The following XKR9 variants were observed in gnomAD, a reference collection of about 807,000 sequenced individuals.
XKR9 encodes the protein XK-related protein 9.
A neutral mutation model predicts 32.0 loss-of-function variants in XKR9; 32 were observed. The observed-to-expected ratio is 1.00, with a 90% CI of 0.76 to 1.34. The LOEUF (loss-of-function observed/expected upper bound fraction) is 1.34. Among genes scored for constraint, XKR9 ranks in the 40% most tolerant of loss-of-function variants. The pLI is 0.00. For missense variants in XKR9, 546 were observed against 429.7 expected (o/e 1.27, Z -2.39); for synonymous variants, 168 against 143.4 (o/e 1.17, Z -1.22).
chr8:70,840,699 C>G, the XKR9 span, among the ~76,000 whole-genome samples: 1 of 152,094 alleles, frequency 6.6e-6, no homozygotes. Flanking sequence ...TGTGCATCCT[C>G]GAGGCAACTG....
rs115585723 is a variant in XKR9 at position 70,745,459 on chromosome 8, C to T, written n.352+38306C>T. Reference sequence around the variant, plus strand: ...CATCTTCAAATATGAATACTCTCCTCATAGACTAGTGGTTCTCAACCTTTA... The same window carrying T: ...CATCTTCAAATATGAATACTCTCCTTATAGACTAGTGGTTCTCAACCTTTA... On this transcript the variant is annotated intron_variant and non_coding_transcript_variant, in intron 2 of 3. Coordinates refer to the XKR9 transcript ENST00000520273. Among the ~76,000 whole-genome samples, 1,105 of 152,308 alleles carry T rather than the reference C, an allele frequency of 7.3e-3. 13 individuals carry two copies. Among genetic ancestry groups the T allele is most frequent in the African/African-American group, 0.025 (1,039 of 41,564 alleles).
the XKR9 span, among the ~76,000 whole-genome samples, chr8:70,897,882 C>T: frequency 1.3e-5 from 2 of 152,038 alleles, no homozygotes; most frequent in Admixed American, 1.3e-4. Flanking sequence ...TGATGTGATA[C>T]CATTTTGCTT....
intron 3 of XKR9, among the ~76,000 whole-genome samples, chr8:70,684,811 G>C (rs2132118447): frequency 6.8e-6 from 1 of 147,502 alleles, no homozygotes. Context: ...TCTCACACCA[G>C]TTAGAATGGC....
chr8:70,971,609 CTT>C, the XKR9 span, among the ~76,000 whole-genome samples: 1 of 152,046 alleles, frequency 6.6e-6, no homozygotes, highest in South Asian at 2.1e-4. Flanking sequence ...AGATTTAAGT[CTT>C]TGATCCATTT....
chr8:70,715,755 G>A (rs552385021), intron 4 of XKR9, among the ~76,000 whole-genome samples: 1 of 152,092 alleles, frequency 6.6e-6, no homozygotes, highest in Non-Finnish European at 1.5e-5. Context: ...AAACTGAATG[G>A]CATGAAATTT....
chr8:70,886,462 C>G, the XKR9 span, among the ~76,000 whole-genome samples: 30 of 152,284 alleles, frequency 2.0e-4, no homozygotes, highest in Middle Eastern at 3.4e-3. Context: ...GAGGAATCAC[C>G]ACATGGTTTT....
At chr8:70,729,210 A>C (rs1270623469) in intron 4 of XKR9, among the ~76,000 whole-genome samples, 3 of 152,338 alleles carry the variant, frequency 2.0e-5, no homozygotes, top group Non-Finnish European at 1.5e-5. Flanking sequence ...AAATAACTAT[A>C]CTGCCGTAAG....
chr8:70,804,605 GC>G, the XKR9 span, among the ~76,000 whole-genome samples: 2 of 152,168 alleles, frequency 1.3e-5, no homozygotes, highest in African/African-American at 4.8e-5. Flanking sequence ...TGGTAAGTGT[GC>G]TTTTCATGGA....
intron 2 of XKR9, among the ~76,000 whole-genome samples, chr8:70,761,549 A>T (rs13278311): frequency 0.68 from 102,761 of 151,932 alleles, 35,246 homozygotes; most frequent in Admixed American, 0.74. Context: ...TGAGGCTGTT[A>T]GTTTTTTCTT....
the XKR9 span, among the ~76,000 whole-genome samples, chr8:70,951,867 T>TGG: frequency 0.037 from 5,163 of 138,790 alleles, 148 homozygotes; most frequent in African/African-American, 0.086. Flanking sequence ...ATAGCATCAT[T>TGG]GGGGGGGGGG....
chr8:71,008,378 G>T, the XKR9 span, among the ~76,000 whole-genome samples: 2 of 152,152 alleles, frequency 1.3e-5, no homozygotes, highest in Admixed American at 1.3e-4. Context: ...ATGACAAGAG[G>T]TATACTCATA....
chr8:71,034,661 A>G, the XKR9 span, among the ~76,000 whole-genome samples: 2 of 151,648 alleles, frequency 1.3e-5, no homozygotes, highest in Admixed American at 6.6e-5. Flanking sequence ...CATCCTACCC[A>G]CTCATGTGAG....
the XKR9 span, among the ~76,000 whole-genome samples, chr8:71,065,040 TG>T: frequency 1.3e-5 from 2 of 152,008 alleles, no homozygotes; most frequent in African/African-American, 2.4e-5. Context: ...ATTTGTTAAG[TG>T]GAACAAATCA....
the XKR9 span, among the ~76,000 whole-genome samples, chr8:70,818,171 G>T: frequency 1.1e-4 from 17 of 149,320 alleles, no homozygotes; most frequent in South Asian, 4.2e-4. Flanking sequence ...AGTGTTTTTT[G>T]TTGTTGTTGT....
At chr8:71,051,820 C>T in the XKR9 span, among the ~76,000 whole-genome samples, 1 of 152,116 alleles carries the variant, frequency 6.6e-6, no homozygotes, top group African/African-American at 2.4e-5. Context: ...GGATTTCTTC[C>T]AAGCCCCTGT....
chr8:70,979,423 T>C, the XKR9 span, among the ~76,000 whole-genome samples: 33 of 152,200 alleles, frequency 2.2e-4, no homozygotes, highest in African/African-American at 7.7e-4. Flanking sequence ...GGAGTTTTGG[T>C]GTGGATGTCC....
At chr8:70,682,099 A>G (rs749450640) in intron 3 of XKR9, among the ~76,000 whole-genome samples, 9 of 152,182 alleles carry the variant, frequency 5.9e-5, no homozygotes, top group Non-Finnish European at 1.0e-4. Flanking sequence ...TGTAAAAGAA[A>G]CAGAATGTGC....
chr8:70,955,966 G>A, the XKR9 span, among the ~76,000 whole-genome samples: 1 of 152,190 alleles, frequency 6.6e-6, no homozygotes, highest in Non-Finnish European at 1.5e-5. Flanking sequence ...GCACCCAAAA[G>A]CTTTGAGATG....
chr8:71,055,459 A>AGAGCTTCATTCCCTTGTATG, the XKR9 span, among the ~76,000 whole-genome samples: 1 of 151,004 alleles, frequency 6.6e-6, no homozygotes, highest in Non-Finnish European at 1.5e-5. Flanking sequence ...GTTTTGGAAG[A>AGAGCTTCATTCCCTTGTATG]TGGGAGAGAA....
Sources: gnomAD v4.1 joint callset for allele counts (sites outside exome capture counted in the v4.1 genomes callset) on GRCh38, gnomAD v4.1.1 for gene constraint, MANE v1.5 for transcripts, NCBI Gene and HGNC (gene_info 2026-07-23, HGNC 2026-07-21) for gene names.